MARK3: variants seen among roughly 807,000 people sequenced by gnomAD.
The protein encoded by MARK3 is microtubule affinity regulating kinase 3.
Under a neutral mutation model 90.1 loss-of-function variants are expected in MARK3, and 46 were observed. The observed-to-expected ratio is 0.51, with a 90% CI of 0.40 to 0.65. The LOEUF (loss-of-function observed/expected upper bound fraction) is 0.65, where lower values mean the gene tolerates loss of function less well. Ranked by LOEUF, MARK3 falls within the 30% of genes least tolerant of loss-of-function variation. The pLI, the probability that MARK3 is intolerant of heterozygous loss-of-function variation, is 0.00. For synonymous variants in MARK3, 321 were observed against 332.6 expected, an observed-to-expected ratio of 0.97 and a Z score of 0.38; for missense variants, 818 against 947.2, an observed-to-expected ratio of 0.86 and a Z score of 1.79.
chr14:103,467,779 G>T, intron 11 of MARK3: 1 of 265,508 alleles, frequency 3.8e-6, no homozygotes, highest in Non-Finnish European at 7.1e-6. Context: ...AGCATCAGAT[G>T]AAGTAAATAC....
Position 103,465,800 on chromosome 14 carries a change from G to A in MARK3, c.777+7G>A. 1 of 1,607,310 alleles carries A rather than the reference G, an allele frequency of 6.2e-7. No individual in the cohort carries two copies. Among genetic ancestry groups the A allele is most frequent in the Non-Finnish European group, 8.5e-7 (1 of 1,175,348 alleles). ...TGATGGGCAAAACCTAAAGGTATAAGAAGCTGCACCCATGTACTTCACTAA... is the reference window on the plus strand; with the variant it reads ...TGATGGGCAAAACCTAAAGGTATAAAAAGCTGCACCCATGTACTTCACTAA... On this transcript the variant is annotated splice_region_variant and intron_variant, in intron 8 of 17. Transcript: ENST00000429436.
intron 2 of MARK3, among the ~76,000 whole-genome samples, chr14:103,422,522 A>G (rs1222985614): frequency 1.3e-5 from 2 of 152,190 alleles, no homozygotes; most frequent in Admixed American, 6.5e-5. Context: ...CAGCTTGATG[A>G]ATTATCACAA....
In MARK3 at chr14:103,385,805, C is replaced by T. The variant is rs1356508231; in HGVS notation, c.-225C>T. ...GCTCCGCCACTGCCGCCCTCCCGGT[C>T]TCCTCGCCTCGGCCGCCGAGGCAGG... On this transcript the variant is annotated 5_prime_UTR_variant, in exon 1 of 18. Transcript: ENST00000429436. 8.4e-5 allele frequency: 36 copies of T among 430,674 alleles called. No individual in the cohort carries two copies. The East Asian group carries it at 1.2e-3, about 14-fold the overall frequency. 26.7% of individuals were successfully genotyped at this position (430,674 alleles called of 1,614,324 possible).
chr14:103,435,275 TA>T (rs2092686382), intron 3 of MARK3, among the ~76,000 whole-genome samples: 1 of 152,214 alleles, frequency 6.6e-6, no homozygotes, highest in African/African-American at 2.4e-5. Context: ...CTTTCCTCCC[TA>T]GAGGTCCTAT....
intron 12 of MARK3, among the ~76,000 whole-genome samples, chr14:103,472,683 A>AC (rs2093648754): frequency 6.7e-6 from 1 of 148,808 alleles, no homozygotes; most frequent in Non-Finnish European, 1.5e-5. Context: ...TTTCTGTGTG[A>AC]CACATCCATA....
intron 7 of MARK3, among the ~76,000 whole-genome samples, chr14:103,464,047 A>T (rs2093453728): frequency 6.6e-6 from 1 of 152,102 alleles, no homozygotes; most frequent in African/African-American, 2.4e-5. Context: ...CTTTGATTTC[A>T]CTTCATCTGG....
intron 1 of MARK3, among the ~76,000 whole-genome samples, chr14:103,401,773 T>G (rs900898974): frequency 5.3e-5 from 8 of 152,042 alleles, no homozygotes; most frequent in African/African-American, 1.9e-4. Context: ...CAAAAAAAAG[T>G]AGCATAATAG....
At chr14:103,449,893 A>G (rs933606029) in intron 4 of MARK3, among the ~76,000 whole-genome samples, 1 of 152,236 alleles carries the variant, frequency 6.6e-6, no homozygotes, top group Admixed American at 6.5e-5. Flanking sequence ...AGTTTTAGGA[A>G]ATGAAAGGAT....
At chr14:103,462,033 TAAAAA>T (rs34942342) in intron 6 of MARK3, among the ~76,000 whole-genome samples, 123 of 140,514 alleles carry the variant, frequency 8.8e-4, no homozygotes, top group Non-Finnish European at 1.0e-3. Context: ...GAGACTCTGT[TAAAAA>T]AAAAAAAAAA....
intron 1 of MARK3, among the ~76,000 whole-genome samples, chr14:103,398,296 T>C (rs2090718670): frequency 6.6e-6 from 1 of 152,230 alleles, no homozygotes; most frequent in Non-Finnish European, 1.5e-5. Flanking sequence ...CCATCAATAG[T>C]GCACCACAGT....
chr14:103,433,176 C>T (rs2092633592), intron 3 of MARK3, among the ~76,000 whole-genome samples: 1 of 150,816 alleles, frequency 6.6e-6, no homozygotes, highest in African/African-American at 2.4e-5. Flanking sequence ...ACCTCTGCCT[C>T]CCGGGTTCAA....
Position 103,484,252 on chromosome 14 carries a change from A to G in MARK3, c.1586+3762A>G, listed in dbSNP as rs982847567. Reference sequence around the variant, plus strand: ...GAGTGCAATGGCACGATCTCGGGTCACTGCAACCTCCATCTCCCGGGTTCA... The same window carrying G: ...GAGTGCAATGGCACGATCTCGGGTCGCTGCAACCTCCATCTCCCGGGTTCA... On this transcript the variant is annotated intron_variant, in intron 14 of 17. Coordinates refer to ENST00000429436, the MANE Select transcript of MARK3 (RefSeq NM_001128918.3). 1.3e-4 allele frequency among the ~76,000 whole-genome samples: 20 copies of G among 149,546 alleles called. No homozygotes were observed. In the East Asian group the frequency reaches 3.0e-3, roughly 22 times the overall value.
chr14:103,390,487 CA>C (rs1282537124), intron 1 of MARK3, among the ~76,000 whole-genome samples: 4 of 151,742 alleles, frequency 2.6e-5, no homozygotes, highest in South Asian at 2.1e-4. Context: ...GCTTGTAGAT[CA>C]GGGGTGTCCA....
At chr14:103,421,987 G>A (rs1028613) in intron 2 of MARK3, among the ~76,000 whole-genome samples, 39,244 of 152,146 alleles carry the variant, frequency 0.26, 6,269 homozygotes, top group Middle Eastern at 0.43. Context: ...TGGTTTCCTT[G>A]TCTCCCAGGA....
chr14:103,390,381 A>G (rs1049039180), intron 1 of MARK3, among the ~76,000 whole-genome samples: 8 of 152,258 alleles, frequency 5.3e-5, no homozygotes, highest in Non-Finnish European at 1.0e-4. Context: ...ACTATTTAGT[A>G]GCAAAGCCTC....
intron 3 of MARK3, among the ~76,000 whole-genome samples, chr14:103,448,568 G>C (rs2093052321): frequency 6.6e-6 from 1 of 152,134 alleles, no homozygotes; most frequent in African/African-American, 2.4e-5. Context: ...TGGGAGCCCT[G>C]GGTAGATACT....
At chr14:103,412,465 C>G (rs940689632) in intron 2 of MARK3, 2 of 534,632 alleles carry the variant, frequency 3.7e-6, no homozygotes, top group African/African-American at 1.9e-5. Flanking sequence ...TCTTGGCCAG[C>G]TTCTTGACCA....
At chr14:103,437,472 C>A (rs1450720140) in intron 3 of MARK3, among the ~76,000 whole-genome samples, 2 of 152,130 alleles carry the variant, frequency 1.3e-5, no homozygotes, top group African/African-American at 4.8e-5. Flanking sequence ...GAATTGAGGT[C>A]TCACTATCTT....
chr14:103,470,792 T>C (rs2093613806), intron 12 of MARK3, among the ~76,000 whole-genome samples: 1 of 152,118 alleles, frequency 6.6e-6, no homozygotes, highest in Non-Finnish European at 1.5e-5. Context: ...TTTTCCATCT[T>C]AATACTTTCA....
Sources: gnomAD v4.1 joint callset for allele counts (sites outside exome capture counted in the v4.1 genomes callset) on GRCh38, gnomAD v4.1.1 for gene constraint, MANE v1.5 for transcripts, NCBI Gene and HGNC (gene_info 2026-07-23, HGNC 2026-07-21) for gene names.